Variants in KCTD16 observed in about 807,000 individuals in gnomAD.
KCTD16 encodes potassium channel tetramerization domain containing 16, also known as BTB/POZ domain-containing protein KCTD16.
A neutral mutation model predicts 33.2 loss-of-function variants in KCTD16; 13 were observed. That is an observed-to-expected ratio of 0.39 (90% CI 0.25 to 0.62). The LOEUF is 0.62. KCTD16 is among the 20% of genes least tolerant of loss of function. The probability of loss-of-function intolerance (pLI) is 0.50; values close to 1 mark genes in which losing one functional copy is unlikely to be tolerated. For synonymous variants in KCTD16, 197 were observed against 195.3 expected, an observed-to-expected ratio of 1.01 and a Z score of -0.07; for missense variants, 441 against 525.1, an observed-to-expected ratio of 0.84 and a Z score of 1.57.
rs1754652795 is a variant in KCTD16 at position 144,479,105 on chromosome 5, G to A, written c.*4991G>A. On this transcript the variant is annotated 3_prime_UTR_variant, in exon 4 of 4. Transcript: ENST00000512467. ...GGCCCTTACTTAGTATGAGTGGGAGGAAATTGAAAGTGATCCATAATTTAA... is the reference window on the plus strand; with the variant it reads ...GGCCCTTACTTAGTATGAGTGGGAGAAAATTGAAAGTGATCCATAATTTAA... 1 of 151,910 alleles carries A rather than the reference G, an allele frequency of 6.6e-6. No homozygotes were observed. Among genetic ancestry groups the A allele is most frequent in the South Asian group, 2.1e-4 (1 of 4,826 alleles). 9.4% of individuals were successfully genotyped at this position (151,910 alleles called of 1,614,324 possible). A position where few individuals can be genotyped will look rare whatever the true frequency, so the allele number is the denominator to read the frequency against.
At position 144,415,326 on chromosome 5, in the gene KCTD16, G is replaced by A. The variant is rs113227890; in HGVS notation, c.833-58334G>A. 5.1e-4 allele frequency among the ~76,000 whole-genome samples: 78 copies of A among 152,218 alleles called. 1 individual carries two copies. Among genetic ancestry groups the A allele is most frequent in the South Asian group, 2.7e-3 (13 of 4,818 alleles). On this transcript the variant is annotated intron_variant, in intron 3 of 3. Coordinates refer to ENST00000512467, the MANE Select transcript of KCTD16 (RefSeq NM_020768.4). ...ACTGAAGATCAAGTTCCCAACACAT[G>A]CTCTTCTGGGAACACATTTGAACCA...
At chr5:144,287,973 A>G (rs1755793811) in intron 3 of KCTD16, among the ~76,000 whole-genome samples, 1 of 152,164 alleles carries the variant, frequency 6.6e-6, no homozygotes. Context: ...GTGATTTACA[A>G]ACTGTAAAGT....
intron 3 of KCTD16, among the ~76,000 whole-genome samples, chr5:144,415,568 C>A (rs1310078462): frequency 6.6e-6 from 1 of 151,840 alleles, no homozygotes; most frequent in Non-Finnish European, 1.5e-5. Flanking sequence ...TAAATTATAT[C>A]CATAGAAAAA....
chr5:144,267,389 GA>G (rs1466968307), intron 3 of KCTD16, among the ~76,000 whole-genome samples: 1 of 152,142 alleles, frequency 6.6e-6, no homozygotes, highest in Non-Finnish European at 1.5e-5. Context: ...GGCACATAGG[GA>G]AAGACTGGGG....
At chr5:144,187,433 CACACACACACACATAT>C (rs1257212239) in intron 2 of KCTD16, among the ~76,000 whole-genome samples, 3 of 152,048 alleles carry the variant, frequency 2.0e-5, no homozygotes, top group Non-Finnish European at 4.4e-5. Context: ...TTCACACACA[CACACACACACACATAT>C]ACACACACAC....
chr5:144,174,351 A>G lies in KCTD16; in HGVS notation c.-448A>G, dbSNP rs1043357007. ...TGTGCCAGAAAATTATGGTTTGAAC[A>G]TGGGCAGTTTTCTCCTACCGTCAGC... On this transcript the variant is annotated 5_prime_UTR_variant, in exon 2 of 4. It removes an upstream start codon present in the reference 5' UTR. Coordinates refer to ENST00000512467, the MANE Select transcript of KCTD16 (RefSeq NM_020768.4). The G allele has an allele frequency of 6.6e-6, 1 of 152,212 alleles. No individual in the cohort carries two copies. Among genetic ancestry groups the G allele is most frequent in the Non-Finnish European group, 1.5e-5 (1 of 68,030 alleles). 9.4% of individuals were successfully genotyped at this position (152,212 alleles called of 1,614,324 possible).
At position 144,206,917 on chromosome 5, in the gene KCTD16, A is replaced by C; in HGVS notation, c.203A>C (p.Asp68Ala). The change falls in exon 3 of 4, where the codon GAC (aspartate) becomes GCC (alanine). Residue 68 changes from aspartate to alanine, a missense_variant. Physicochemically the swap from Asp to Ala is moderately radical, Grantham distance 126 (BLOSUM62 -2). Coordinates refer to ENST00000512467, the MANE Select transcript of KCTD16 (RefSeq NM_020768.4). ...KRDTANDLAK[D>A]SKGRFFIDRD... The stretch of plus-strand genomic sequence containing the variant: ...GACACGGCTAATGATCTAGCCAAGG[A>C]CTCCAAGGGAAGGTTTTTCATTGAC... 1 of 1,614,006 alleles carries C rather than the reference A, an allele frequency of 6.2e-7. No individual in the cohort carries two copies. The highest frequency in any genetic ancestry group is 1.7e-5 in the Admixed American group (1 of 60,016).
chr5:144,278,632 G>GGACT (rs1386159071), intron 3 of KCTD16, among the ~76,000 whole-genome samples: 2 of 151,252 alleles, frequency 1.3e-5, no homozygotes, highest in Non-Finnish European at 3.0e-5. Context: ...CGAGTAGCTG[G>GGACT]GACTACAGGC....
rs572397530 is a variant in KCTD16, at chr5:144,203,254, G to A, written c.-326-3135G>A. 2.8e-4 allele frequency among the ~76,000 whole-genome samples: 43 copies of A among 151,566 alleles called. No homozygotes were observed. In the South Asian group the frequency reaches 7.7e-3, roughly 27 times the overall value. Reference sequence around the variant, plus strand: ...AAAGTAATATTAATACTCTTTTTAAGAGTATTAATATTAATATTAATTCTT... The same window carrying A: ...AAAGTAATATTAATACTCTTTTTAAAAGTATTAATATTAATATTAATTCTT... On this transcript the variant is annotated intron_variant, in intron 2 of 3. Coordinates refer to ENST00000512467, the MANE Select transcript of KCTD16 (RefSeq NM_020768.4).
At position 144,354,713 on chromosome 5, in the gene KCTD16, T is replaced by C. The variant is rs138271314; in HGVS notation, c.833-118947T>C. On this transcript the variant is annotated intron_variant, in intron 3 of 3. Coordinates refer to ENST00000512467, the MANE Select transcript of KCTD16 (RefSeq NM_020768.4). ...TTGAGGGTTCCTGCTTTGCTGAGCCTGAGCATGTGTTCAGTCTATCTATTC... is the reference window on the plus strand; with the variant it reads ...TTGAGGGTTCCTGCTTTGCTGAGCCCGAGCATGTGTTCAGTCTATCTATTC... Among the ~76,000 whole-genome samples the C allele has an allele frequency of 9.8e-5, 15 of 152,334 alleles. No individual in the cohort carries two copies. The East Asian group carries it at 2.9e-3, about 29-fold the overall frequency.
At chr5:144,341,960 A>G (rs1209593562) in intron 3 of KCTD16, among the ~76,000 whole-genome samples, 1 of 152,124 alleles carries the variant, frequency 6.6e-6, no homozygotes, top group East Asian at 1.9e-4. Flanking sequence ...GTTTTTCAGT[A>G]GTACATTATT....
chr5:144,300,884 G>A (rs976759416), intron 3 of KCTD16, among the ~76,000 whole-genome samples: 2 of 152,148 alleles, frequency 1.3e-5, no homozygotes, highest in African/African-American at 4.8e-5. Flanking sequence ...AGAAATGGCA[G>A]GGAGTTTGAT....
intron 3 of KCTD16, among the ~76,000 whole-genome samples, chr5:144,266,929 A>G (rs1430042990): frequency 6.6e-6 from 1 of 152,172 alleles, no homozygotes; most frequent in East Asian, 1.9e-4. Context: ...TGAAGCATGA[A>G]TTTTGGCCAA....
At chr5:144,244,878 A>G (rs1754507283) in intron 3 of KCTD16, among the ~76,000 whole-genome samples, 1 of 152,204 alleles carries the variant, frequency 6.6e-6, no homozygotes, top group Non-Finnish European at 1.5e-5. Context: ...AATGAAATGT[A>G]GTAGTGACTA....
chr5:144,473,741 C>T lies in KCTD16; in HGVS notation c.914C>T (p.Thr305Met), dbSNP rs372522368. The part of the protein sequence containing the change: ...GKGDKEGESG[T>M]SCNDLSTSSC... ...GGTGACAAAGAAGGGGAGAGCGGCA[C>T]GTCTTGCAATGACCTCTCCACATCT... Residue 305 changes from threonine to methionine, a missense_variant, in exon 4 of 4, where the codon ACG becomes ATG. This residue lies in a region of KCTD16 where 355 missense variants were observed against 413.0 expected (regional missense o/e 0.86). Transcript: ENST00000512467. The T allele has an allele frequency of 5.0e-6, 8 of 1,613,618 alleles. No individual in the cohort carries two copies. The highest frequency in any genetic ancestry group is 3.3e-5 in the Admixed American group (2 of 60,018).
intron 3 of KCTD16, among the ~76,000 whole-genome samples, chr5:144,359,210 G>A (rs767527022): frequency 6.6e-6 from 1 of 152,172 alleles, no homozygotes; most frequent in Non-Finnish European, 1.5e-5. Context: ...AAATGGAACA[G>A]CCTCCCAGAA....
chr5:144,423,487 A>C (rs1408606698), intron 3 of KCTD16, among the ~76,000 whole-genome samples: 1 of 152,094 alleles, frequency 6.6e-6, no homozygotes, highest in Non-Finnish European at 1.5e-5. Flanking sequence ...GCCCTTTCAG[A>C]AAATACATTA....
chr5:144,195,049 T>A (rs1197851063), intron 2 of KCTD16, among the ~76,000 whole-genome samples: 1 of 152,220 alleles, frequency 6.6e-6, no homozygotes, highest in African/African-American at 2.4e-5. Context: ...AAAGAACTGT[T>A]GCTTACACCG....
chr5:144,263,079 G>A (rs1371644314), intron 3 of KCTD16, among the ~76,000 whole-genome samples: 2 of 152,226 alleles, frequency 1.3e-5, no homozygotes, highest in Non-Finnish European at 2.9e-5. Context: ...TGGGCAATGG[G>A]TATAAAGTTG....
Sources: allele counts gnomAD v4.1 joint callset (sites outside exome capture counted in the v4.1 genomes callset), GRCh38; gene constraint gnomAD v4.1.1; regional missense constraint gnomAD v4.1.1; transcripts MANE v1.5; gene names NCBI Gene and HGNC (gene_info 2026-07-23, HGNC 2026-07-21).